ACYP2: variants seen among roughly 807,000 people sequenced by gnomAD.
The protein encoded by ACYP2 is acylphosphatase 2, also known as acylphosphatase-2.
Under a neutral mutation model 11.2 loss-of-function variants are expected in ACYP2, and 12 were observed. The observed-to-expected ratio is 1.08, with a 90% CI of 0.69 to 1.74. ACYP2 has a LOEUF of 1.74. Among genes scored for constraint, ACYP2 ranks in the 40% most tolerant of loss-of-function variants. The pLI, the probability that ACYP2 is intolerant of heterozygous loss-of-function variation, is 0.00. For missense variants in ACYP2, 134 were observed against 101.9 expected, an observed-to-expected ratio of 1.31 and a Z score of -1.35; for synonymous variants, 43 against 32.2, an observed-to-expected ratio of 1.33 and a Z score of -1.13.
At chr2:54,236,935 G>A (rs1255584492) in intron 6 of ACYP2, among the ~76,000 whole-genome samples, 1 of 152,082 alleles carries the variant, frequency 6.6e-6, no homozygotes, top group African/African-American at 2.4e-5. Flanking sequence ...ATATCCATAG[G>A]TTCCATATCT....
At chr2:54,194,622 A>G (rs1184432489) in intron 6 of ACYP2, among the ~76,000 whole-genome samples, 1 of 152,116 alleles carries the variant, frequency 6.6e-6, no homozygotes, top group East Asian at 1.9e-4. Context: ...TACCATCAAC[A>G]TCAAAGACTA....
At position 54,201,636 on chromosome 2, in the gene ACYP2, C is replaced by CTTTCTTTCTTTCTTTCTT. The variant is rs59874821; in HGVS notation, c.404+62889_404+62890insTTCTTTCTTTCTTTCTTT. On this transcript the variant is annotated intron_variant, in intron 6 of 6. Coordinates refer to ENST00000607452, the MANE Select transcript of ACYP2 (RefSeq NM_001320586.2). ...TCTTTCTTTCTTTGTTTCTTTCTTTCTCTTTCTTTCTTTCTTTCTTTCTTT... is the reference window on the plus strand; with the variant it reads ...TCTTTCTTTCTTTGTTTCTTTCTTTCTTTCTTTCTTTCTTTCTTTCTTTCTTTCTTTCTTTCTTTCTTT... 1.7e-3 allele frequency among the ~76,000 whole-genome samples: 160 copies of CTTTCTTTCTTTCTTTCTT among 93,652 alleles called. 1 individual carries two copies. The highest frequency in any genetic ancestry group is 5.5e-3 in the East Asian group (17 of 3,090). The allele number at this position is 93,652 out of a possible 152,430, so 61.4% of individuals were successfully genotyped here.
intron 6 of ACYP2, among the ~76,000 whole-genome samples, chr2:54,200,807 G>C (rs923408243): frequency 6.6e-6 from 1 of 152,120 alleles, no homozygotes; most frequent in Non-Finnish European, 1.5e-5. Flanking sequence ...GCAACTCTAT[G>C]TTAACTTTTT....
At chr2:54,182,119 G>A (rs1683764986) in intron 6 of ACYP2, among the ~76,000 whole-genome samples, 1 of 145,178 alleles carries the variant, frequency 6.9e-6, no homozygotes, top group Non-Finnish European at 1.5e-5. Flanking sequence ...GAGTATGGTG[G>A]CACAATCTCA....
intron 4 of ACYP2, among the ~76,000 whole-genome samples, chr2:54,088,866 C>A (rs1039100970): frequency 6.6e-6 from 1 of 152,170 alleles, no homozygotes; most frequent in African/African-American, 2.4e-5. Flanking sequence ...TGTGTTTTGA[C>A]CACACACATT....
At chr2:53,974,564 G>C (rs904089329) in intron 2 of ACYP2, among the ~76,000 whole-genome samples, 1 of 152,146 alleles carries the variant, frequency 6.6e-6, no homozygotes, top group African/African-American at 2.4e-5. Flanking sequence ...AGAATTGTTT[G>C]GCAGGTAAGG....
intron 6 of ACYP2, chr2:54,255,594 C>T (rs771195486): frequency 7.4e-6 from 12 of 1,613,560 alleles, no homozygotes; most frequent in Admixed American, 5.0e-5. Flanking sequence ...CAGGCCCTGC[C>T]TCCCTGTTTA....
rs76384345 is a variant in ACYP2, at chr2:54,034,874, G to A, written c.63-16084G>A. On this transcript the variant is annotated intron_variant, in intron 2 of 6. Transcript: ENST00000607452. ...AAATACAAAAAATTAGCTGGGCGTC[G>A]TGGCAGGCGACTATAATCCTAGCTA... Among the ~76,000 whole-genome samples the A allele has an allele frequency of 1.7e-4, 26 of 151,844 alleles. No homozygotes were observed. In the East Asian group the frequency reaches 4.7e-3, roughly 27 times the overall value.
intron 2 of ACYP2, among the ~76,000 whole-genome samples, chr2:54,025,800 A>G (rs967063007): frequency 2.6e-5 from 4 of 152,186 alleles, no homozygotes; most frequent in Non-Finnish European, 5.9e-5. Flanking sequence ...TCAGCAGAGT[A>G]AACAGACAAC....
At chr2:54,126,928 TG>T (rs1680545638) in intron 4 of ACYP2, among the ~76,000 whole-genome samples, 2 of 143,878 alleles carry the variant, frequency 1.4e-5, no homozygotes, top group African/African-American at 5.2e-5. Flanking sequence ...CACTCCAGCC[TG>T]GGTGACAAGA....
chr2:54,051,877 T>C, intron 3 of ACYP2: 1 of 262,302 alleles, frequency 3.8e-6, no homozygotes. Flanking sequence ...AAACCCTGCC[T>C]TTACTAAAAA....
At chr2:54,169,213 C>T (rs1187328108) in intron 6 of ACYP2, among the ~76,000 whole-genome samples, 2 of 152,166 alleles carry the variant, frequency 1.3e-5, no homozygotes, top group Non-Finnish European at 2.9e-5. Flanking sequence ...GGCTAATTAG[C>T]ATGTGTGGTG....
At chr2:54,192,751 G>A (rs896577983) in intron 6 of ACYP2, among the ~76,000 whole-genome samples, 1 of 152,132 alleles carries the variant, frequency 6.6e-6, no homozygotes, top group African/African-American at 2.4e-5. Context: ...TTGACTCACG[G>A]TTCTGCATGG....
At chr2:54,096,675 A>G in intron 4 of ACYP2, among the ~76,000 whole-genome samples, 1 of 152,206 alleles carries the variant, frequency 6.6e-6, no homozygotes, top group East Asian at 1.9e-4. Flanking sequence ...CACCAAAAAA[A>G]TACGAAAACC....
At chr2:54,117,703 G>A (rs989706501) in intron 4 of ACYP2, among the ~76,000 whole-genome samples, 3 of 152,314 alleles carry the variant, frequency 2.0e-5, no homozygotes, top group East Asian at 1.9e-4. Flanking sequence ...TTGGTGCAGT[G>A]TACCAGGGTA....
At position 54,080,813 on chromosome 2, in the gene ACYP2, A is replaced by G. The variant is rs959645004; in HGVS notation, c.277+23453A>G. On this transcript the variant is annotated intron_variant, in intron 4 of 6. Transcript: ENST00000607452. Reference sequence around the variant, plus strand: ...TCTTTTTTTTCCCTTTTTAATAGAGACAAGGTCTCACTCTGTTGCCCAGGC... The same window carrying G: ...TCTTTTTTTTCCCTTTTTAATAGAGGCAAGGTCTCACTCTGTTGCCCAGGC... Among the ~76,000 whole-genome samples, 4 of 151,188 alleles carry G rather than the reference A, an allele frequency of 2.6e-5. No homozygotes were observed. The East Asian group carries it at 7.8e-4, about 29-fold the overall frequency.
intron 6 of ACYP2, among the ~76,000 whole-genome samples, chr2:54,236,101 T>G (rs906235918): frequency 1.3e-5 from 2 of 152,094 alleles, no homozygotes; most frequent in African/African-American, 2.4e-5. Flanking sequence ...GAATTTTTTT[T>G]GTTTGTTTTT....
At chr2:54,159,490 G>T (rs909209757) in intron 6 of ACYP2, among the ~76,000 whole-genome samples, 26 of 151,728 alleles carry the variant, frequency 1.7e-4, no homozygotes, top group African/African-American at 6.1e-4. Flanking sequence ...TTACAGGCAT[G>T]AGCCACCGCA....
At chr2:54,251,590 A>C (rs1009618406) in intron 6 of ACYP2, among the ~76,000 whole-genome samples, 3 of 43,782 alleles carry the variant, frequency 6.9e-5, no homozygotes, top group Non-Finnish European at 1.2e-4. Flanking sequence ...TACCACCCTA[A>C]AAGTTTATTG....
Sources: allele counts gnomAD v4.1 joint callset (sites outside exome capture counted in the v4.1 genomes callset), GRCh38; gene constraint gnomAD v4.1.1; transcripts MANE v1.5; gene names NCBI Gene and HGNC (gene_info 2026-07-23, HGNC 2026-07-21).